PRDM1: variants seen among roughly 807,000 people sequenced by gnomAD.
PRDM1 encodes the protein PR domain zinc finger protein 1.
A neutral mutation model predicts 62.8 loss-of-function variants in PRDM1; 13 were observed. The observed-to-expected ratio is 0.21, with a 90% CI of 0.13 to 0.33. The LOEUF is 0.33. Among genes scored for constraint, PRDM1 ranks in the 10% least tolerant of loss-of-function variants. The pLI, the probability that PRDM1 is intolerant of heterozygous loss-of-function variation, is 1.00. For synonymous variants in PRDM1, 396 were observed against 417.6 expected, an observed-to-expected ratio of 0.95 and a Z score of 0.63; for missense variants, 895 against 1,058.8, an observed-to-expected ratio of 0.85 and a Z score of 2.15.
At chr6:105,998,921 ATATATATATATATTTTT>A (rs1772392215) in intron 1 of PRDM1, among the ~76,000 whole-genome samples, 1 of 2,778 alleles carries the variant, frequency 3.6e-4, no homozygotes, top group African/African-American at 9.9e-4. Context: ...ATATATATAT[ATATATATATATATTTTT>A]TTTTTTTTTT....
At chr6:106,022,426 A>ATTT (rs67542176) in intron 1 of PRDM1, among the ~76,000 whole-genome samples, 3 of 132,736 alleles carry the variant, frequency 2.3e-5, no homozygotes, top group Non-Finnish European at 3.2e-5. Context: ...CGCCCAGCTA[A>ATTT]TTTTTTTTTT....
intron 1 of PRDM1, among the ~76,000 whole-genome samples, chr6:106,029,890 A>AT (rs1364473360): frequency 6.6e-6 from 1 of 152,072 alleles, no homozygotes; most frequent in African/African-American, 2.4e-5. Flanking sequence ...AAGCGTTAGG[A>AT]TTACAGGCAT....
chr6:106,099,394 G>A lies in PRDM1; in HGVS notation c.506G>A (p.Arg169Gln), dbSNP rs774218047. ...TATGTGAATCCAGCACACTCTCCCC[G>A]GGAGCAAAACCTGGCTGCGTGTCAG... Reference protein sequence around the residue: ...MRYVNPAHSPREQNLAACQNG... With the variant: ...MRYVNPAHSPQEQNLAACQNG... The change falls in exon 4 of 7, where the codon CGG becomes CAG. Residue 169 changes from arginine (R) to glutamine (Q), a missense_variant. Physicochemically the swap from Arg to Gln is conservative, Grantham distance 43 (BLOSUM62 1). Around this residue, in one of 4 missense-constraint regions of PRDM1, gnomAD observed 213 missense variants for 283.9 expected, o/e 0.75. Transcript: ENST00000369096. The A allele has an allele frequency of 8.7e-6, 14 of 1,614,134 alleles. No homozygotes were observed. The South Asian group carries it at 1.2e-4, about 14-fold the overall frequency.
rs1475181733 is a variant in PRDM1 at position 106,086,355 on chromosome 6, C to G, written c.-199C>G. 1 of 521,666 alleles carries G rather than the reference C, an allele frequency of 1.9e-6. No homozygotes were observed. Among genetic ancestry groups the G allele is most frequent in the Non-Finnish European group, 3.4e-6 (1 of 289,890 alleles). 32.3% of individuals were successfully genotyped at this position (521,666 alleles called of 1,614,324 possible). On this transcript the variant is annotated 5_prime_UTR_variant, in exon 1 of 7. Coordinates refer to ENST00000369096, the MANE Select transcript of PRDM1 (RefSeq NM_001198.4). Reference sequence around the variant, plus strand: ...ACGGTTAACACAGACAAAGTGCTGCCGTGACACTCGGCCCTCCAGTGTTGC... The same window carrying G: ...ACGGTTAACACAGACAAAGTGCTGCGGTGACACTCGGCCCTCCAGTGTTGC...
chr6:106,068,827 A>G lies in PRDM1; in HGVS notation c.-66-19374A>G, dbSNP rs949803396. On this transcript the variant is annotated intron_variant, in intron 1 of 6. Coordinates refer to the PRDM1 transcript ENST00000651185. ...TATGTTACCCTCCCTAATTTGTTGA[A>G]GAGAGGCAACTTTTTTAGGAATTTG... 4.6e-5 allele frequency among the ~76,000 whole-genome samples: 7 copies of G among 152,250 alleles called. No homozygotes were observed. The East Asian group carries it at 9.6e-4, about 21-fold the overall frequency.
chr6:106,009,050 G>A (rs1404444610), intron 1 of PRDM1, among the ~76,000 whole-genome samples: 2 of 152,148 alleles, frequency 1.3e-5, no homozygotes, highest in Non-Finnish European at 2.9e-5. Context: ...GTTATATTCT[G>A]CCACGTTCTA....
At position 106,053,547 on chromosome 6, in the gene PRDM1, T is replaced by G. The variant is rs142094573; in HGVS notation, c.-67+4833T>G. Among the ~76,000 whole-genome samples, 94 of 152,282 alleles carry G rather than the reference T, an allele frequency of 6.2e-4. 1 individual carries two copies. In the East Asian group the frequency reaches 0.015, roughly 25 times the overall value. ...TAGAATACATAAGTATTCTATTGTA[T>G]CCATTATGTATTCTAATAGAATACA... is the stretch of plus-strand genomic sequence containing the variant. On this transcript the variant is annotated intron_variant, in intron 1 of 6. Coordinates refer to the PRDM1 transcript ENST00000651185.
At chr6:106,001,102 G>T (rs914391395) in intron 1 of PRDM1, among the ~76,000 whole-genome samples, 2 of 152,208 alleles carry the variant, frequency 1.3e-5, no homozygotes, top group Non-Finnish European at 2.9e-5. Context: ...CTAAGATGGT[G>T]ACTCATTTTT....
At chr6:106,020,425 A>G (rs1480713572) in intron 1 of PRDM1, among the ~76,000 whole-genome samples, 1 of 152,048 alleles carries the variant, frequency 6.6e-6, no homozygotes, top group African/African-American at 2.4e-5. Flanking sequence ...TCGGCCTCCC[A>G]AAGTGCTGGA....
chr6:106,031,029 A>G (rs1389406421), intron 1 of PRDM1, among the ~76,000 whole-genome samples: 1 of 138,758 alleles, frequency 7.2e-6, no homozygotes, highest in Non-Finnish European at 1.5e-5. Flanking sequence ...TTTTTTCTTC[A>G]TAGTGAATAT....
intron 3 of PRDM1, chr6:106,098,730 C>T: frequency 7.1e-7 from 1 of 1,414,234 alleles, no homozygotes; most frequent in Non-Finnish European, 9.4e-7. Context: ...AGGCAAGGTT[C>T]CAAGTATTCA....
At chr6:106,084,250 A>G (rs1217135522), upstream of PRDM1, among the ~76,000 whole-genome samples, 2 of 152,056 alleles carry the variant, frequency 1.3e-5, no homozygotes, top group African/African-American at 2.4e-5. Flanking sequence ...TTAAAGTTCT[A>G]CCCGTGGCCT....
At chr6:105,997,972 G>C (rs1772369964) in intron 1 of PRDM1, among the ~76,000 whole-genome samples, 1 of 152,174 alleles carries the variant, frequency 6.6e-6, no homozygotes, top group Non-Finnish European at 1.5e-5. Flanking sequence ...GAATTAAAAA[G>C]TAAACTGGTT....
In PRDM1 at chr6:106,015,531, AAC is replaced by A. The variant is rs1184574041; in HGVS notation, c.-67+21895_-67+21896del. On this transcript the variant is annotated intron_variant, in intron 1 of 6. Coordinates refer to the PRDM1 transcript ENST00000652320. ...GAGATTTGCTGCTGTTTGCTAAAGA[AAC>A]ACTAGAAGAATAAAGAAGAAAGCAG... Among the ~76,000 whole-genome samples, 8 of 152,172 alleles carry A rather than the reference AAC, an allele frequency of 5.3e-5. No individual in the cohort carries two copies. In the South Asian group the frequency reaches 1.7e-3, roughly 32 times the overall value.
chr6:106,056,527 C>A (rs996277451), intron 1 of PRDM1, among the ~76,000 whole-genome samples: 16 of 152,282 alleles, frequency 1.1e-4, no homozygotes, highest in African/African-American at 3.6e-4. Context: ...TGTTTATCAG[C>A]CACACACAAC....
intron 1 of PRDM1, among the ~76,000 whole-genome samples, chr6:106,041,499 A>G (rs1199356663): frequency 1.3e-5 from 2 of 152,300 alleles, no homozygotes; most frequent in African/African-American, 4.8e-5. Context: ...AATACCTACT[A>G]ATTATAGAGA....
At chr6:106,012,437 C>T (rs1178571521) in intron 1 of PRDM1, among the ~76,000 whole-genome samples, 6 of 151,506 alleles carry the variant, frequency 4.0e-5, no homozygotes, top group Non-Finnish European at 7.4e-5. Context: ...TACATACACA[C>T]AAACATATCA....
At chr6:106,080,466 GAGA>G (rs1381977103) in intron 1 of PRDM1, among the ~76,000 whole-genome samples, 2 of 152,144 alleles carry the variant, frequency 1.3e-5, no homozygotes, top group Admixed American at 6.5e-5. Context: ...AGGAAGAAAG[GAGA>G]AGGAGAAGAG....
intron 3 of PRDM1, chr6:106,098,523 G>A (rs1226094161): frequency 8.0e-7 from 1 of 1,252,158 alleles, no homozygotes; most frequent in Non-Finnish European, 1.0e-6. Flanking sequence ...TGTGTGTGGT[G>A]TTTTAGCCAG....
Sources: allele counts gnomAD v4.1 joint callset (sites outside exome capture counted in the v4.1 genomes callset), GRCh38; gene constraint gnomAD v4.1.1; regional missense constraint gnomAD v4.1.1; transcripts MANE v1.5; gene names NCBI Gene and HGNC (gene_info 2026-07-23, HGNC 2026-07-21).